Variants in SLC34A2 observed in about 807,000 individuals in gnomAD.
SLC34A2 encodes solute carrier family 34 member 2, also known as sodium-dependent phosphate transport protein 2B.
SLC34A2 carries 41 observed loss-of-function variants against 50.8 expected under a neutral mutation model. That is an observed-to-expected ratio of 0.81 (90% CI 0.63 to 1.05). The LOEUF is 1.05. Ranked by LOEUF, SLC34A2 falls within the 50% of genes least tolerant of loss-of-function variation. The pLI is 0.00. For synonymous variants in SLC34A2, 401 were observed against 364.2 expected (o/e 1.10, Z -1.15); for missense variants, 879 against 876.7 (o/e 1.00, Z -0.03).
chr4:25,657,940 G>A (rs746286418), intron 1 of SLC34A2, among the ~76,000 whole-genome samples: 3 of 152,154 alleles, frequency 2.0e-5, no homozygotes, highest in African/African-American at 7.2e-5. Flanking sequence ...GGAAGCAGAG[G>A]AAAAGGAGAC....
intron 6 of SLC34A2, among the ~76,000 whole-genome samples, chr4:25,669,106 T>C (rs541860041): frequency 6.6e-6 from 1 of 152,334 alleles, no homozygotes; most frequent in East Asian, 1.9e-4. Flanking sequence ...AAGAATTCAC[T>C]TGCATAGAGG....
At position 25,670,693 on chromosome 4, in the gene SLC34A2, G is replaced by A. The variant is rs200876077; in HGVS notation, c.832-45G>A. 2.4e-3 allele frequency: 3,568 copies of A among 1,479,150 alleles called. 9 individuals carry two copies. Among genetic ancestry groups the A allele is most frequent in the Non-Finnish European group, 3.0e-3 (3,142 of 1,061,410 alleles). 91.6% of individuals were successfully genotyped at this position (1,479,150 alleles called of 1,614,324 possible). ...ACCCCCTGGGTTTGTGTCCTAAATC[G>A]GTTCTGAGGATATGCTGATGGTTTC... On this transcript the variant is annotated intron_variant, in intron 7 of 12. Transcript: ENST00000382051.
At chr4:25,670,930 G>C in intron 8 of SLC34A2, 97 bp downstream of exon 8, 1 of 1,019,990 alleles carries the variant, frequency 9.8e-7, no homozygotes, top group Non-Finnish European at 1.5e-6. Flanking sequence ...AGAAAGTCAG[G>C]GGAAAGAAAT....
intron 1 of SLC34A2, among the ~76,000 whole-genome samples, chr4:25,661,804 A>G (rs938036062): frequency 1.3e-5 from 2 of 151,914 alleles, no homozygotes; most frequent in African/African-American, 4.8e-5. Flanking sequence ...ATGGGGTTCC[A>G]TTGAAGGGTT....
chr4:25,662,440 G>A, intron 1 of SLC34A2, 58 bp from the exon 2 acceptor site: 1 of 1,448,796 alleles, frequency 6.9e-7, no homozygotes, highest in Non-Finnish European at 9.7e-7. Context: ...TCCTCTTATA[G>A]CATCTCGGTG....
Position 25,666,270 on chromosome 4 carries a change from A to G in SLC34A2, c.522A>G (p.Ser174=), listed in dbSNP as rs772925490. 1.2e-6 allele frequency: 2 copies of G among 1,613,696 alleles called. No homozygotes were observed. Among genetic ancestry groups the G allele is most frequent in the Admixed American group, 3.3e-5 (2 of 60,002 alleles). ...TCGTTGTCAGCATGGTGTCCTCTTCATGTGAGTCGGGGCACCCATGAGCCC... is the reference window on the plus strand; with the variant it reads ...TCGTTGTCAGCATGGTGTCCTCTTCGTGTGAGTCGGGGCACCCATGAGCCC... The part of the protein sequence containing the change: ...TSIVVSMVSS[S]LLTVRAAIPI... Residue 174 remains serine (S), a splice_region_variant and synonymous_variant, in exon 5 of 13, where the codon TCA becomes TCG. Transcript: ENST00000382051.
At chr4:25,673,428 G>A (rs1029518421) in intron 10 of SLC34A2, among the ~76,000 whole-genome samples, 174 bp downstream of exon 10, 1 of 152,106 alleles carries the variant, frequency 6.6e-6, no homozygotes, top group East Asian at 1.9e-4. Flanking sequence ...TCCTGGGTGG[G>A]GTCTAGGGAG....
In SLC34A2 at chr4:25,676,611, C is replaced by A. The variant is rs1239027168; in HGVS notation, c.1935C>A (p.Cys645Ter). The change falls in exon 13 of 13, where the codon TGC becomes TGA. Residue 645 changes from cysteine (C) to a stop codon, truncating the protein, a stop_gained. Coordinates refer to ENST00000382051, the MANE Select transcript of SLC34A2 (RefSeq NM_006424.3). LOFTEE classifies it low-confidence loss of function (END_TRUNC). Reference protein sequence around the residue: ...CPKCCRCSKCCEDLEEAQEGQ... With the variant: ...CPKCCRCSKC ...AGTGCTGCCGCTGCAGCAAGTGCTG[C>A]GAGGACTTGGAGGAGGCGCAGGAGG... The A allele has an allele frequency of 1.9e-6, 3 of 1,613,760 alleles. No individual in the cohort carries two copies. The African/African-American group carries it at 4.0e-5, about 22-fold the overall frequency.
intron 10 of SLC34A2, 46 bp downstream of exon 10, chr4:25,673,300 A>C (rs532344936): frequency 2.6e-6 from 2 of 767,642 alleles, no homozygotes; most frequent in Non-Finnish European, 3.8e-6. Context: ...TAGTCACTGC[A>C]TGGGGTGTGG....
At chr4:25,672,943 G>A in intron 9 of SLC34A2, 144 bp from the exon 10 acceptor site, 1 of 828,478 alleles carries the variant, frequency 1.2e-6, no homozygotes, top group Non-Finnish European at 2.0e-6. Context: ...GGCTGAGAAG[G>A]GCTGTCTTGA....
chr4:25,671,751 T>C, intron 9 of SLC34A2, 30 bp downstream of exon 9: 1 of 1,614,088 alleles, frequency 6.2e-7, no homozygotes, highest in Non-Finnish European at 8.5e-7. Flanking sequence ...TTGGCCACTA[T>C]GACAGGTGTT....
rs775481758 is a variant in SLC34A2, at chr4:25,676,334, G to A, written c.1658G>A (p.Arg553Gln). 2.5e-6 allele frequency: 4 copies of A among 1,614,164 alleles called. No individual in the cohort carries two copies. In the Admixed American group the frequency reaches 5.0e-5, roughly 20 times the overall value. ...TVFGLSLAGW[R>Q]VLVGVGVPVV... ...TTTGGCCTCTCGCTGGCCGGCTGGC[G>A]GGTGCTGGTTGGTGTCGGGGTTCCC... Residue 553 changes from arginine (R) to glutamine (Q), a missense_variant, in exon 13 of 13, where the codon CGG becomes CAG. Coordinates refer to ENST00000382051, the MANE Select transcript of SLC34A2 (RefSeq NM_006424.3).
chr4:25,662,969 G>A, intron 3 of SLC34A2, 127 bp downstream of exon 3: 1 of 1,104,294 alleles, frequency 9.1e-7, no homozygotes, highest in Non-Finnish European at 1.3e-6. Context: ...GGCTAGGGAT[G>A]TCACCCTCTC....
chr4:25,670,230 A>T (rs1016750865), intron 7 of SLC34A2, among the ~76,000 whole-genome samples: 1 of 152,236 alleles, frequency 6.6e-6, no homozygotes, highest in African/African-American at 2.4e-5. Context: ...TTTAAAAAAT[A>T]AATAGATGAA....
chr4:25,671,831 G>A, intron 9 of SLC34A2, 110 bp downstream of exon 9: 1 of 1,446,480 alleles, frequency 6.9e-7, no homozygotes, highest in African/African-American at 1.4e-5. Context: ...GAGTCACCAA[G>A]CACCTGCCCT....
At position 25,674,571 on chromosome 4, in the gene SLC34A2, C is replaced by T; in HGVS notation, c.1400C>T (p.Thr467Ile). ...CTGGGCTCCAACATCGGCACCACCA[C>T]CACCGCCATCCTGGCCGCCTTAGCC... ...LTLGSNIGTT[T>I]TAILAALASP... The change falls in exon 12 of 13, where the codon ACC becomes ATC. Residue 467 changes from threonine (T) to isoleucine (I), a missense_variant. Transcript: ENST00000382051. 1 of 1,614,244 alleles carries T rather than the reference C, an allele frequency of 6.2e-7. No individual in the cohort carries two copies. Among genetic ancestry groups the T allele is most frequent in the Non-Finnish European group, 8.5e-7 (1 of 1,180,046 alleles).
At chr4:25,662,340 G>A (rs1341378332) in intron 1 of SLC34A2, among the ~76,000 whole-genome samples, 158 bp from the exon 2 acceptor site, 1 of 152,186 alleles carries the variant, frequency 6.6e-6, no homozygotes, top group Non-Finnish European at 1.5e-5. Context: ...GCCACACTTA[G>A]GGGGCATAAG....
At chr4:25,671,764 C>G in intron 9 of SLC34A2, 43 bp downstream of exon 9, 1 of 1,613,786 alleles carries the variant, frequency 6.2e-7, no homozygotes, top group Non-Finnish European at 8.5e-7. Context: ...CAGGTGTTGT[C>G]TGGGGGTGAC....
intron 12 of SLC34A2, among the ~76,000 whole-genome samples, chr4:25,675,776 AGCGCCTG>A (rs1225949566): frequency 6.6e-6 from 1 of 152,206 alleles, no homozygotes; most frequent in Non-Finnish European, 1.5e-5. Context: ...AAAGTGACCA[AGCGCCTG>A]GCCTCTGGAG....
Sources: gnomAD v4.1 joint callset for allele counts (sites outside exome capture counted in the v4.1 genomes callset) on GRCh38, gnomAD v4.1.1 for gene constraint, MANE v1.5 for transcripts, NCBI Gene and HGNC (gene_info 2026-07-23, HGNC 2026-07-21) for gene names.